CCDC57: variants seen among roughly 807,000 people sequenced by gnomAD.
The protein encoded by CCDC57 is coiled-coil domain-containing protein 57.
In CCDC57, 118 loss-of-function variants were observed where a neutral mutation model predicts 118.9. The ratio of observed to expected loss-of-function variants is 0.99; its 90% CI spans 0.86 to 1.16. The LOEUF is 1.16. Ranked by LOEUF, CCDC57 falls within the 50% of genes most tolerant of loss-of-function variation. The probability of loss-of-function intolerance (pLI) is 0.00; values close to 1 mark genes in which losing one functional copy is unlikely to be tolerated. For synonymous variants in CCDC57, 527 were observed against 532.9 expected, an observed-to-expected ratio of 0.99 and a Z score of 0.15; for missense variants, 1,300 against 1,320.7, an observed-to-expected ratio of 0.98 and a Z score of 0.24.
At chr17:82,197,228 C>T (rs892833233) in intron 4 of CCDC57, among the ~76,000 whole-genome samples, 6 of 149,892 alleles carry the variant, frequency 4.0e-5, no homozygotes, top group African/African-American at 1.2e-4. Context: ...CGCAGCCCCT[C>T]GTGACACCTG....
At chr17:82,128,324 G>A (rs528370619) in intron 18 of CCDC57, among the ~76,000 whole-genome samples, 169 bp downstream of exon 17, 2 of 152,092 alleles carry the variant, frequency 1.3e-5, no homozygotes, top group Admixed American at 6.5e-5. Context: ...GGGACCACCC[G>A]GCAAACGCTC....
intron 19 of CCDC57, chr17:82,113,154 C>T: frequency 1.8e-6 from 1 of 550,032 alleles, no homozygotes; most frequent in Non-Finnish European, 3.2e-6. Flanking sequence ...ACTTGACCAT[C>T]TGTTTCTCAG....
intron 19 of CCDC57, among the ~76,000 whole-genome samples, chr17:82,107,071 C>A (rs981312673): frequency 6.6e-6 from 1 of 152,208 alleles, no homozygotes; most frequent in Non-Finnish European, 1.5e-5. Flanking sequence ...AGGCCACACG[C>A]TCCTCCAGGG....
chr17:82,173,615 G>A (rs751736061), intron 11 of CCDC57, among the ~76,000 whole-genome samples: 1 of 152,172 alleles, frequency 6.6e-6, no homozygotes, highest in East Asian at 1.9e-4. Flanking sequence ...CACAGATGAC[G>A]AAGCTCAGTG....
chr17:82,195,115 G>A, intron 5 of CCDC57, 148 bp downstream of exon 4: 1 of 669,604 alleles, frequency 1.5e-6, no homozygotes, highest in Admixed American at 2.3e-5. Context: ...CATCCACATG[G>A]CCCACCTGCT....
In CCDC57 at chr17:82,157,904, A is replaced by C. The variant is rs2042867017; in HGVS notation, c.2085T>G (p.Leu695=). Residue 695 remains leucine, a synonymous_variant, in exon 15 of 20, where the codon CTT becomes CTG. Coordinates refer to ENST00000665763, the Ensembl canonical transcript of CCDC57. Reference sequence around the variant, plus strand: ...GGTGTACCTGGTCCACCTCACGGGGAAGCTCACGCTGGAGAGCGGCCGGCT... The same window carrying C: ...GGTGTACCTGGTCCACCTCACGGGGCAGCTCACGCTGGAGAGCGGCCGGCT... 4 of 1,566,430 alleles carry C rather than the reference A, an allele frequency of 2.6e-6. No individual in the cohort carries two copies. The African/African-American group carries it at 4.1e-5, about 16-fold the overall frequency.
chr17:82,123,318 G>A (rs1377146841), intron 19 of CCDC57, among the ~76,000 whole-genome samples: 3 of 122,192 alleles, frequency 2.5e-5, no homozygotes, highest in African/African-American at 9.5e-5. Context: ...TTTTTGAGAT[G>A]ATGTCTCACT....
At chr17:82,188,015 C>G (rs1221119537) in intron 8 of CCDC57, among the ~76,000 whole-genome samples, 1 of 136,076 alleles carries the variant, frequency 7.3e-6, no homozygotes, top group African/African-American at 2.8e-5. Context: ...TGCACACACA[C>G]ATAGAAACTA....
chr17:82,203,388 T>C (rs1306782508), intron 2 of CCDC57, among the ~76,000 whole-genome samples: 2 of 152,194 alleles, frequency 1.3e-5, no homozygotes, highest in Non-Finnish European at 2.9e-5. Context: ...TTTCCAGCAA[T>C]GTGAGAATGG....
At position 82,168,637 on chromosome 17, in the gene CCDC57, TA is replaced by T. The variant is rs373917126; in HGVS notation, c.1882+3063del. ...TTCAAATATAAAAGAGAGAGGTAGGTAAAAAGAAAAAGGGATGAAAAAGTTA... is the reference window on the plus strand; with the variant it reads ...TTCAAATATAAAAGAGAGAGGTAGGTAAAAGAAAAAGGGATGAAAAAGTTA... On this transcript the variant is annotated intron_variant, in intron 13 of 19. Transcript: ENST00000665763. Among the ~76,000 whole-genome samples the T allele has an allele frequency of 3.3e-3, 506 of 151,398 alleles. 3 individuals are homozygous for T. Among genetic ancestry groups the T allele is most frequent in the African/African-American group, 0.012 (486 of 41,264 alleles).
intron 16 of CCDC57, among the ~76,000 whole-genome samples, chr17:82,143,486 ACACACACACACCCCACACGTG>A (rs2040299039): frequency 4.4e-5 from 2 of 45,292 alleles, no homozygotes; most frequent in South Asian, 1.0e-3. Context: ...ACACACAGGC[ACACACACACACCCCACACGTG>A]CACACACCCC....
intron 14 of CCDC57, 90 bp from the exon 14 acceptor site, chr17:82,158,038 C>T (rs933699045): frequency 2.0e-5 from 29 of 1,469,508 alleles, no homozygotes; most frequent in Non-Finnish European, 2.5e-5. Context: ...GCTGTGAGTG[C>T]CGGGAAAGAA....
intron 1 of CCDC57, among the ~76,000 whole-genome samples, chr17:82,210,431 G>A (rs1189391987): frequency 1.3e-5 from 2 of 151,838 alleles, no homozygotes; most frequent in African/African-American, 4.8e-5. Context: ...CAGCACTTTC[G>A]GAGGCCAAGG....
rs2044783057 is a variant in CCDC57 at position 82,171,866 on chromosome 17, C to T, written c.1730-13G>A. ...GCCAGAACATAATCTGCCAAAAAAA[C>T]CTCCAGTGAATATAACACATACACA... On this transcript the variant is annotated splice_polypyrimidine_tract_variant and intron_variant, in intron 12 of 19. Coordinates refer to ENST00000665763, the Ensembl canonical transcript of CCDC57. 3 of 1,609,388 alleles carry T rather than the reference C, an allele frequency of 1.9e-6. No individual in the cohort carries two copies. The highest frequency in any genetic ancestry group is 1.6e-4 in the Middle Eastern group (1 of 6,076).
intron 8 of CCDC57, chr17:82,185,098 G>A (rs556794996): frequency 3.1e-4 from 48 of 152,528 alleles, no homozygotes; most frequent in African/African-American, 1.1e-3. Flanking sequence ...CTGATGCACA[G>A]TCTCAGGTGT....
At chr17:82,101,933 AG>A (rs1568125931) in intron 19 of CCDC57, 67 bp from the exon 19 acceptor site, 16 of 1,422,604 alleles carry the variant, frequency 1.1e-5, no homozygotes, top group African/African-American at 1.4e-5. Context: ...CTGTGCTCAC[AG>A]GCACTGCACA....
chr17:82,212,283 C>A lies in CCDC57; in HGVS notation c.-211+502G>T, dbSNP rs2050218863. Among the ~76,000 whole-genome samples the A allele has an allele frequency of 6.6e-6, 1 of 151,936 alleles. No homozygotes were observed. Among genetic ancestry groups the A allele is most frequent in the African/African-American group, 2.4e-5 (1 of 41,348 alleles). ...ATTTTTAGTAGAGAGGGGGTTTCACCATGTTGGCCAGGCTGGTCTCGAACT... is the reference window on the plus strand; with the variant it reads ...ATTTTTAGTAGAGAGGGGGTTTCACAATGTTGGCCAGGCTGGTCTCGAACT... On this transcript the variant is annotated intron_variant, in intron 1 of 19. Coordinates refer to ENST00000665763, the Ensembl canonical transcript of CCDC57. The surrounding 1 kb of genome is among the most constrained non-coding windows in gnomAD (Gnocchi z 4.1).
At chr17:82,143,722 C>A (rs965020472) in intron 16 of CCDC57, among the ~76,000 whole-genome samples, 13 of 152,052 alleles carry the variant, frequency 8.5e-5, no homozygotes, top group Admixed American at 4.6e-4. Context: ...GATTCCTGAG[C>A]AGGATTCAGG....
At position 82,198,312 on chromosome 17, in the gene CCDC57, A is replaced by T. The variant is rs757744108; in HGVS notation, c.516+2T>A. 6.3e-7 allele frequency: 1 copy of T among 1,596,844 alleles called. No individual in the cohort carries two copies. Among genetic ancestry groups the T allele is most frequent in the South Asian group, 1.1e-5 (1 of 90,624 alleles). ...AGGAAGGGGCCGACCCAGAGGCTCT[A>T]CCTGTCTCTGCAGAGCAAGCTCACC... On this transcript the variant is annotated splice_donor_variant, in intron 4 of 19. Coordinates refer to ENST00000665763, the Ensembl canonical transcript of CCDC57. LOFTEE classifies it high-confidence loss of function.
Sources: gnomAD v4.1 joint callset for allele counts (sites outside exome capture counted in the v4.1 genomes callset) on GRCh38, gnomAD v4.1.1 for gene constraint, Gnocchi (gnomAD v3.1) non-coding constraint, MANE v1.5 for transcripts, NCBI Gene and HGNC (gene_info 2026-07-23, HGNC 2026-07-21) for gene names.